The following CSMD1 variants were observed in gnomAD, a reference collection of about 807,000 sequenced individuals.
CSMD1 encodes the protein CUB and Sushi multiple domains 1.
Under a neutral mutation model 417.5 loss-of-function variants are expected in CSMD1, and 213 were observed. The observed-to-expected ratio is 0.51, with a 90% CI of 0.46 to 0.57. The LOEUF is 0.57. Among genes scored for constraint, CSMD1 ranks in the 20% least tolerant of loss-of-function variants. CSMD1 has a pLI of 0.00. For synonymous variants in CSMD1, 2,862 were observed against 1,736.8 expected, an observed-to-expected ratio of 1.65 and a Z score of -16.11; for missense variants, 6,923 against 4,529.7, an observed-to-expected ratio of 1.53 and a Z score of -15.17.
At chr8:4,426,975 C>G (rs574895437) in intron 2 of CSMD1, among the ~76,000 whole-genome samples, 1 of 151,952 alleles carries the variant, frequency 6.6e-6, no homozygotes, top group African/African-American at 2.4e-5. Flanking sequence ...CTGGCCTGGT[C>G]TAGGGATGGG....
chr8:4,429,663 TACCCCAAGAGATGG>T (rs1447026551), intron 2 of CSMD1, among the ~76,000 whole-genome samples: 1 of 152,044 alleles, frequency 6.6e-6, no homozygotes, highest in African/African-American at 2.4e-5. Context: ...TCATGCTGGG[TACCCCAAGAGATGG>T]ACCCCAATAC....
intron 1 of CSMD1, among the ~76,000 whole-genome samples, chr8:4,759,178 C>A (rs895863626): frequency 6.6e-6 from 1 of 152,148 alleles, no homozygotes; most frequent in Non-Finnish European, 1.5e-5. Context: ...AGCTATAATT[C>A]TTGTTAGTGT....
At chr8:3,107,241 C>T (rs1323194093) in intron 45 of CSMD1, 2 of 156,504 alleles carry the variant, frequency 1.3e-5, no homozygotes, top group Non-Finnish European at 1.4e-5. Context: ...TAAAAAGATA[C>T]AGCAGAAATC....
chr8:4,102,356 C>CTTTGTTTCTCT (rs1323414474), intron 3 of CSMD1, among the ~76,000 whole-genome samples: 3 of 151,972 alleles, frequency 2.0e-5, no homozygotes, highest in Non-Finnish European at 4.4e-5. Flanking sequence ...TTTGTTTTTC[C>CTTTGTTTCTCT]TTGCAAGAGA....
At chr8:4,242,238 G>C (rs74529036) in intron 3 of CSMD1, among the ~76,000 whole-genome samples, 1,555 of 152,198 alleles carry the variant, frequency 0.01, 21 homozygotes, top group African/African-American at 0.035. Context: ...TAAGAAATTT[G>C]CCAATCTTTA....
Position 3,971,705 on chromosome 8 carries a change from C to A in CSMD1, c.818+26198G>T, listed in dbSNP as rs112774270. On this transcript the variant is annotated intron_variant, in intron 5 of 69. Transcript: ENST00000635120. ...GGGAGAAAGGATGCAAGGATACGAG[C>A]CTCTTCCAGTGAGTTTCTCGTAGAC... Among the ~76,000 whole-genome samples, 1,223 of 152,248 alleles carry A rather than the reference C, an allele frequency of 8.0e-3. 14 individuals are homozygous for A. The highest frequency in any genetic ancestry group is 0.027 in the African/African-American group (1,141 of 41,532).
At chr8:3,404,646 C>G (rs553702890) in intron 15 of CSMD1, among the ~76,000 whole-genome samples, 4 of 152,184 alleles carry the variant, frequency 2.6e-5, no homozygotes, top group African/African-American at 4.8e-5. Flanking sequence ...CTAAAGACAA[C>G]TGAGAAAATA....
chr8:4,075,625 T>C (rs145395545), intron 3 of CSMD1, among the ~76,000 whole-genome samples: 14 of 152,304 alleles, frequency 9.2e-5, no homozygotes, highest in African/African-American at 2.9e-4. Context: ...ATTATTGTAG[T>C]ATAACTCACA....
chr8:4,058,371 T>C (rs1258986261), intron 3 of CSMD1, among the ~76,000 whole-genome samples: 2 of 152,194 alleles, frequency 1.3e-5, no homozygotes, highest in Non-Finnish European at 2.9e-5. Flanking sequence ...TTGTGATTTT[T>C]GTCCATTGAT....
Position 3,409,596 on chromosome 8 carries a change from T to C in CSMD1, c.1571A>G (p.Lys524Arg), listed in dbSNP as rs1812555591. The part of the protein sequence containing the change: ...GFKAVYQEIE[K>R]GGCGDPGIPA... ...GATTCCAGGATCCCCACACCCTCCC[T>C]TTTCAATTTCTGAAAATGGAAAAAC... is the stretch of plus-strand genomic sequence containing the variant. The change falls in exon 13 of 70, where the codon AAG becomes AGG. Residue 524 changes from lysine (K) to arginine (R), a missense_variant. Transcript: ENST00000635120. 2 of 1,582,430 alleles carry C rather than the reference T, an allele frequency of 1.3e-6. No individual in the cohort carries two copies. Among genetic ancestry groups the C allele is most frequent in the Non-Finnish European group, 1.7e-6 (2 of 1,161,430 alleles).
At chr8:4,378,296 A>G (rs1314026706) in intron 3 of CSMD1, among the ~76,000 whole-genome samples, 1 of 152,276 alleles carries the variant, frequency 6.6e-6, no homozygotes, top group Non-Finnish European at 1.5e-5. Flanking sequence ...CATGCAAAGT[A>G]ACTATTAAAT....
At chr8:4,360,828 A>ATT (rs1801715520) in intron 3 of CSMD1, among the ~76,000 whole-genome samples, 1 of 152,072 alleles carries the variant, frequency 6.6e-6, no homozygotes. Flanking sequence ...TCCTGACACA[A>ATT]TTAATCACGG....
chr8:4,472,370 G>T (rs565797085), intron 2 of CSMD1, among the ~76,000 whole-genome samples: 21 of 151,988 alleles, frequency 1.4e-4, no homozygotes, highest in Non-Finnish European at 2.8e-4. Context: ...TCCATCACTT[G>T]ATCTGTAGTA....
intron 14 of CSMD1, among the ~76,000 whole-genome samples, chr8:3,407,387 C>A (rs184304019): frequency 7.2e-6 from 1 of 138,876 alleles, no homozygotes; most frequent in Non-Finnish European, 1.6e-5. Flanking sequence ...ATTGATGGAA[C>A]GATGGATGGA....
At chr8:3,675,892 G>C (rs1382350812) in intron 7 of CSMD1, among the ~76,000 whole-genome samples, 1 of 152,132 alleles carries the variant, frequency 6.6e-6, no homozygotes, top group Non-Finnish European at 1.5e-5. Context: ...ATTCTGTCTT[G>C]CTGAAGTTCT....
At chr8:3,170,957 T>C (rs904088140) in intron 37 of CSMD1, among the ~76,000 whole-genome samples, 1 of 152,170 alleles carries the variant, frequency 6.6e-6, no homozygotes, top group Non-Finnish European at 1.5e-5. Context: ...GGGCACACAA[T>C]GTTGAACCAC....
intron 3 of CSMD1, among the ~76,000 whole-genome samples, chr8:4,106,075 G>T (rs1191555896): frequency 2.0e-5 from 3 of 152,220 alleles, no homozygotes; most frequent in South Asian, 2.1e-4. Flanking sequence ...AGGAGAAAGA[G>T]CTATGTAGAG....
intron 49 of CSMD1, among the ~76,000 whole-genome samples, chr8:3,054,985 T>C (rs1015168749): frequency 1.4e-4 from 22 of 152,178 alleles, no homozygotes; most frequent in African/African-American, 5.1e-4. Context: ...TCCTCATCAT[T>C]TTCTCTCAGA....
intron 6 of CSMD1, among the ~76,000 whole-genome samples, chr8:3,749,614 T>A (rs899800539): frequency 6.6e-6 from 1 of 152,214 alleles, no homozygotes; most frequent in Admixed American, 6.5e-5. Flanking sequence ...ATATTATTTG[T>A]CTTTGAGAAG....
Sources: gnomAD v4.1 joint callset for allele counts (sites outside exome capture counted in the v4.1 genomes callset) on GRCh38, gnomAD v4.1.1 for gene constraint, MANE v1.5 for transcripts, NCBI Gene and HGNC (gene_info 2026-07-23, HGNC 2026-07-21) for gene names.